The following PCDHA3 variants were observed in gnomAD, a reference collection of about 807,000 sequenced individuals.
PCDHA3 encodes the protein protocadherin alpha-3.
PCDHA3 carries 41 observed loss-of-function variants against 62.2 expected under a neutral mutation model. The ratio of observed to expected loss-of-function variants is 0.66; its 90% CI spans 0.51 to 0.86. The LOEUF (loss-of-function observed/expected upper bound fraction) is 0.86, where lower values mean the gene tolerates loss of function less well. Ranked by LOEUF, PCDHA3 falls within the 40% of genes least tolerant of loss-of-function variation. PCDHA3 has a pLI of 0.00. For missense variants in PCDHA3, 1,304 were observed against 1,241.2 expected, an observed-to-expected ratio of 1.05 and a Z score of -0.76; for synonymous variants, 640 against 555.4, an observed-to-expected ratio of 1.15 and a Z score of -2.14.
chr5:140,883,712 G>A lies in PCDHA3; in HGVS notation c.2394+80121G>A, dbSNP rs372048294. On this transcript the variant is annotated intron_variant, in intron 1 of 3. Transcript: ENST00000522353. ...CATCTTCACGGTGTCTGCTCAGGAC[G>A]CGGACGCACAGGAGAACGCGCTGGT... 1.6e-5 allele frequency: 26 copies of A among 1,613,658 alleles called. No homozygotes were observed. The highest frequency in any genetic ancestry group is 2.2e-5 in the East Asian group (1 of 44,880).
intron 1 of PCDHA3, among the ~76,000 whole-genome samples, chr5:140,933,589 G>T (rs1369666636): frequency 8.6e-5 from 13 of 152,012 alleles, no homozygotes; most frequent in Non-Finnish European, 2.9e-5. Context: ...GGGTTTTTAG[G>T]TTGATTTGTC....
intron 1 of PCDHA3, chr5:140,927,419 G>T (rs781883331): frequency 1.9e-6 from 3 of 1,614,140 alleles, no homozygotes; most frequent in South Asian, 2.2e-5. Flanking sequence ...ATGGGATCGC[G>T]GGTTGACGGC....
In PCDHA3 at chr5:140,869,649, A is replaced by G. The variant is rs1446407712; in HGVS notation, c.2394+66058A>G. ...AAAATGAGTATTTTTCTTTAGATTC[A>G]CCAACAAATGGTAAGCAGATTAAAA... On this transcript the variant is annotated intron_variant, in intron 1 of 3. Transcript: ENST00000522353. 4.3e-6 allele frequency: 7 copies of G among 1,613,476 alleles called. No individual in the cohort carries two copies. In the African/African-American group the frequency reaches 6.7e-5, roughly 15 times the overall value.
chr5:140,833,460 T>A (rs1440945863), intron 1 of PCDHA3, among the ~76,000 whole-genome samples: 1 of 152,148 alleles, frequency 6.6e-6, no homozygotes, highest in African/African-American at 2.4e-5. Context: ...AAAATAAACT[T>A]ACATTTTAAA....
rs1554189151 is a variant in PCDHA3, at chr5:140,900,427, G to GCA, written c.2395-78521_2395-78520insAC. On this transcript the variant is annotated intron_variant, in intron 1 of 3. Transcript: ENST00000522353. ...CAAGTAGCTGGGATTATAGGCACGT[G>GCA]CCACCACGGCCGGCTAATTTTTTAT... 7.9e-5 allele frequency among the ~76,000 whole-genome samples: 12 copies of GCA among 152,230 alleles called. No homozygotes were observed. The East Asian group carries it at 2.3e-3, about 30-fold the overall frequency.
At chr5:140,834,797 G>A in intron 1 of PCDHA3, 3 of 1,613,022 alleles carry the variant, frequency 1.9e-6, no homozygotes, top group South Asian at 1.1e-5. Context: ...CGACACAAAG[G>A]AATCTGTTCA....
At chr5:140,843,816 A>T in intron 1 of PCDHA3, 1 of 1,230,332 alleles carries the variant, frequency 8.1e-7, no homozygotes, top group Non-Finnish European at 1.1e-6. Context: ...TTTATAGTGA[A>T]AATTTAAACA....
chr5:140,818,630 A>G (rs980118691), intron 1 of PCDHA3, among the ~76,000 whole-genome samples: 2 of 152,196 alleles, frequency 1.3e-5, no homozygotes, highest in Non-Finnish European at 2.9e-5. Flanking sequence ...TGAGCCCAGG[A>G]GTTCAAGATG....
intron 1 of PCDHA3, chr5:140,824,236 A>T (rs1554129815): frequency 6.6e-7 from 1 of 1,505,494 alleles, no homozygotes; most frequent in Non-Finnish European, 9.2e-7. Flanking sequence ...GTACACAAAT[A>T]TTGTGGTACA....
intron 1 of PCDHA3, among the ~76,000 whole-genome samples, chr5:140,920,659 C>T (rs1325541731): frequency 1.3e-5 from 2 of 152,098 alleles, no homozygotes; most frequent in East Asian, 3.9e-4. Flanking sequence ...TCCTTGCCAA[C>T]ATGGTGAAAC....
At position 140,927,806 on chromosome 5, in the gene PCDHA3, T is replaced by C. The variant is rs1554205074; in HGVS notation, c.2395-51143T>C. 4 of 1,614,004 alleles carry C rather than the reference T, an allele frequency of 2.5e-6. No individual in the cohort carries two copies. In the African/African-American group the frequency reaches 5.3e-5, roughly 22 times the overall value. On this transcript the variant is annotated intron_variant, in intron 1 of 3. Transcript: ENST00000522353. ...GCTTCACTAGGTCCGCCTGAAACGC[T>C]CTTGGAGGCATACATTGAGGCGAGG...
rs781841380 is a variant in PCDHA3 at position 140,857,728 on chromosome 5, C to A, written c.2394+54137C>A. 89 of 1,597,306 alleles carry A rather than the reference C, an allele frequency of 5.6e-5. 11 individuals are homozygous for A. Among genetic ancestry groups the A allele is most frequent in the Non-Finnish European group, 7.3e-5 (85 of 1,167,718 alleles). On this transcript the variant is annotated intron_variant, in intron 1 of 3. Transcript: ENST00000522353. ...TGTTCGTGCTGGACGAGAACGACAA[C>A]GCTCCCGCGCTGCTGGCGTCTCCCG...
chr5:140,992,390 C>T (rs1007853972), intron 3 of PCDHA3, among the ~76,000 whole-genome samples: 1 of 152,082 alleles, frequency 6.6e-6, no homozygotes, highest in Admixed American at 6.6e-5. Context: ...GTGTTCTGGA[C>T]TTAGAGATAT....
intron 1 of PCDHA3, chr5:140,813,542 A>AG (rs1554126221): frequency 6.6e-6 from 1 of 152,234 alleles, no homozygotes. Flanking sequence ...ACACCTGAAT[A>AG]GGGTACTTAC....
intron 3 of PCDHA3, among the ~76,000 whole-genome samples, chr5:141,005,701 CAAAAAAAAAAAAAAAAAA>C (rs59860837): frequency 2.6e-4 from 2 of 7,786 alleles, no homozygotes; most frequent in Non-Finnish European, 5.4e-4. Flanking sequence ...AACTCCGTCT[CAAAAAAAAAAAAAAAAAA>C]AAAAAAAAAA....
intron 1 of PCDHA3, chr5:140,824,084 C>A: frequency 2.5e-6 from 4 of 1,614,192 alleles, no homozygotes; most frequent in Non-Finnish European, 8.5e-7. Flanking sequence ...GACCTCATGG[C>A]CTTCAGTCCA....
At chr5:140,912,648 A>G (rs1161381718) in intron 1 of PCDHA3, among the ~76,000 whole-genome samples, 1 of 152,164 alleles carries the variant, frequency 6.6e-6, no homozygotes, top group African/African-American at 2.4e-5. Flanking sequence ...TATGTTGAAT[A>G]GAAGTGGTGA....
At chr5:140,836,174 T>A in intron 1 of PCDHA3, 3 of 1,613,798 alleles carry the variant, frequency 1.9e-6, no homozygotes, top group Non-Finnish European at 2.5e-6. Context: ...TACGTGCAGT[T>A]GACGCTGACT....
chr5:140,807,608 T>A (rs782498556), intron 1 of PCDHA3: 1 of 1,613,984 alleles, frequency 6.2e-7, no homozygotes, highest in Non-Finnish European at 8.5e-7. Context: ...AAAGAACCTG[T>A]CCATCGCGGA....
Sources: allele counts gnomAD v4.1 joint callset (sites outside exome capture counted in the v4.1 genomes callset), GRCh38; gene constraint gnomAD v4.1.1; transcripts MANE v1.5; gene names NCBI Gene and HGNC (gene_info 2026-07-23, HGNC 2026-07-21).